UTRN: variants seen among roughly 807,000 people sequenced by gnomAD.
The protein encoded by UTRN is dystrophin-related protein 1.
A neutral mutation model predicts 463.9 loss-of-function variants in UTRN; 283 were observed. The observed-to-expected ratio is 0.61, with a 90% CI of 0.55 to 0.67. UTRN has a LOEUF of 0.67. Ranked by LOEUF, UTRN falls within the 30% of genes least tolerant of loss-of-function variation. The pLI, the probability that UTRN is intolerant of heterozygous loss-of-function variation, is 0.00. For synonymous variants in UTRN, 1,442 were observed against 1,431.5 expected, an observed-to-expected ratio of 1.01 and a Z score of -0.17; for missense variants, 3,922 against 4,084.3, an observed-to-expected ratio of 0.96 and a Z score of 1.08.
chr6:144,552,384 C>T (rs1426931467), intron 48 of UTRN, among the ~76,000 whole-genome samples: 1 of 152,150 alleles, frequency 6.6e-6, no homozygotes, highest in African/African-American at 2.4e-5. Context: ...GAGCTGGTTT[C>T]CCTCACATCA....
rs1586769823 is a variant in UTRN, at chr6:144,835,835, C to G, written c.9721C>G (p.Pro3241Ala). 1 of 1,614,110 alleles carries G rather than the reference C, an allele frequency of 6.2e-7. No homozygotes were observed. Among genetic ancestry groups the G allele is most frequent in the Non-Finnish European group, 8.5e-7 (1 of 1,179,988 alleles). The change falls in exon 70 of 75, where the codon CCA (proline) becomes GCA (alanine). Residue 3241 changes from proline to alanine, a missense_variant. Physicochemically the swap from Pro to Ala is conservative, Grantham distance 27. Around this residue, in one of 3 missense-constraint regions of UTRN, gnomAD observed 1,309 missense variants for 1,452.6 expected, o/e 0.90. Transcript: ENST00000367545. ...TTGCCAAACACTCGGAGGAGAGTCC[C>G]CAGTGAGCCAGCCGCAGAGCCCAGC... The part of the protein sequence containing the change: ...QYCQTLGGES[P>A]VSQPQSPAQI...
chr6:144,658,927 A>G (rs1779590122), intron 51 of UTRN, among the ~76,000 whole-genome samples: 1 of 152,222 alleles, frequency 6.6e-6, no homozygotes, highest in South Asian at 2.1e-4. Context: ...GTTATTACTC[A>G]CATTTTGAGT....
At chr6:144,507,809 G>A (rs1230296383) in intron 34 of UTRN, among the ~76,000 whole-genome samples, 7 of 152,162 alleles carry the variant, frequency 4.6e-5, no homozygotes, top group Non-Finnish European at 1.5e-5. Flanking sequence ...GAGATCCGCT[G>A]CTCTCTTCAG....
At chr6:144,788,932 G>A (rs996389079) in intron 61 of UTRN, among the ~76,000 whole-genome samples, 9 of 152,072 alleles carry the variant, frequency 5.9e-5, no homozygotes, top group African/African-American at 1.7e-4. Context: ...GCTTTAGTTC[G>A]TTCTTCTTAG....
chr6:144,668,250 G>A (rs1034713594), intron 51 of UTRN, among the ~76,000 whole-genome samples: 1 of 152,106 alleles, frequency 6.6e-6, no homozygotes, highest in African/African-American at 2.4e-5. Context: ...GGTGCAAAAG[G>A]CCCTTCCTTG....
chr6:144,639,406 C>G (rs1335991125), intron 51 of UTRN, among the ~76,000 whole-genome samples: 1 of 152,080 alleles, frequency 6.6e-6, no homozygotes, highest in Non-Finnish European at 1.5e-5. Flanking sequence ...TATACTCTTC[C>G]CAGGCTTCCC....
At chr6:144,848,865 T>G (rs1223370761) in intron 74 of UTRN, among the ~76,000 whole-genome samples, 2 of 152,116 alleles carry the variant, frequency 1.3e-5, no homozygotes, top group African/African-American at 4.8e-5. Context: ...ACGGAGTCAG[T>G]AGATGACTGC....
intron 65 of UTRN, among the ~76,000 whole-genome samples, chr6:144,816,733 CTTT>C (rs35967778): frequency 7.6e-6 from 1 of 132,106 alleles, no homozygotes; most frequent in Non-Finnish European, 1.6e-5. Context: ...AGCTTTTTTC[CTTT>C]TTTTTTTTTT....
At chr6:144,490,260 G>T in intron 31 of UTRN, 61 bp downstream of exon 31, 1 of 1,560,594 alleles carries the variant, frequency 6.4e-7, no homozygotes, top group South Asian at 1.2e-5. Context: ...CTTCAAAAAA[G>T]AGAAAGAATT....
intron 3 of UTRN, among the ~76,000 whole-genome samples, chr6:144,417,314 A>G (rs1009223000): frequency 6.6e-6 from 1 of 152,192 alleles, no homozygotes; most frequent in African/African-American, 2.4e-5. Flanking sequence ...TAGTAGCAGT[A>G]TAGCACAGAT....
chr6:144,533,731 A>ATATAG, intron 43 of UTRN, among the ~76,000 whole-genome samples: 1 of 150,788 alleles, frequency 6.6e-6, no homozygotes, highest in East Asian at 1.9e-4. Flanking sequence ...ATATAATATA[A>ATATAG]TATAATATAG....
intron 2 of UTRN, among the ~76,000 whole-genome samples, chr6:144,399,953 A>G (rs1235531742): frequency 6.6e-6 from 1 of 152,192 alleles, no homozygotes; most frequent in Non-Finnish European, 1.5e-5. Context: ...GAGCATGTCA[A>G]AAGCATTTTA....
At position 144,516,856 on chromosome 6, in the gene UTRN, G is replaced by A; in HGVS notation, c.5449G>A (p.Glu1817Lys). Residue 1817 changes from glutamate to lysine, a missense_variant, in exon 39 of 75, where the codon GAA (glutamate) becomes AAA (lysine). This residue lies in a region of UTRN where 2,349 missense variants were observed against 2,303.8 expected (regional missense o/e 1.02). Coordinates refer to ENST00000367545, the MANE Select transcript of UTRN (RefSeq NM_007124.3). ...AQIEEVLQRGEEMLHQPMEDN... is the reference protein window; with the variant it reads ...AQIEEVLQRGKEMLHQPMEDN... ...GATTGAGGAAGTTCTACAAAGAGGA[G>A]AAGAAATGTTACATCAACCTATGGA... The A allele has an allele frequency of 1.3e-6, 2 of 1,512,476 alleles. No individual in the cohort carries two copies. Among genetic ancestry groups the A allele is most frequent in the Non-Finnish European group, 1.8e-6 (2 of 1,132,724 alleles). 93.7% of individuals were successfully genotyped at this position (1,512,476 alleles called of 1,614,324 possible). A position where few individuals can be genotyped will look rare whatever the true frequency, so the allele number is the denominator to read the frequency against.
At chr6:144,571,854 T>C (rs573326894) in intron 50 of UTRN, among the ~76,000 whole-genome samples, 107 of 152,332 alleles carry the variant, frequency 7.0e-4, no homozygotes, top group African/African-American at 2.5e-3. Flanking sequence ...TTCAGCAGGC[T>C]ATCACTTCTA....
chr6:144,824,463 T>C (rs1779883225), intron 66 of UTRN, among the ~76,000 whole-genome samples: 1 of 95,322 alleles, frequency 1.0e-5, no homozygotes, highest in African/African-American at 5.1e-5. Flanking sequence ...ACAATAAATA[T>C]GTATATATAG....
At chr6:144,534,026 G>T (rs534836812) in intron 43 of UTRN, among the ~76,000 whole-genome samples, 1 of 151,998 alleles carries the variant, frequency 6.6e-6, no homozygotes, top group Admixed American at 6.6e-5. Context: ...TTTTAACTCT[G>T]TTGATGAAGT....
At chr6:144,495,599 C>A (rs1172892871) in intron 33 of UTRN, among the ~76,000 whole-genome samples, 2 of 152,326 alleles carry the variant, frequency 1.3e-5, no homozygotes, top group East Asian at 1.9e-4. Flanking sequence ...CACAGTGCAG[C>A]GGTGGGCTGA....
chr6:144,612,840 C>T (rs1418571744), intron 51 of UTRN, among the ~76,000 whole-genome samples: 1 of 152,008 alleles, frequency 6.6e-6, no homozygotes, highest in Non-Finnish European at 1.5e-5. Flanking sequence ...ACCAAGTAAT[C>T]CCACTTCTGG....
chr6:144,478,410 ATC>A (rs1441677727), intron 25 of UTRN, among the ~76,000 whole-genome samples: 2 of 152,076 alleles, frequency 1.3e-5, no homozygotes, highest in Non-Finnish European at 2.9e-5. Context: ...GGGCCCAAGA[ATC>A]TCTGTCTCTC....
Sources: gnomAD v4.1 joint callset for allele counts (sites outside exome capture counted in the v4.1 genomes callset) on GRCh38, gnomAD v4.1.1 for gene constraint, gnomAD v4.1.1 regional missense constraint, MANE v1.5 for transcripts, NCBI Gene and HGNC (gene_info 2026-07-23, HGNC 2026-07-21) for gene names.